ANKS1B: variants seen among roughly 807,000 people sequenced by gnomAD.
ANKS1B encodes the protein ankyrin repeat and sterile alpha motif domain containing 1B.
A neutral mutation model predicts 148.3 loss-of-function variants in ANKS1B; 36 were observed. That is an observed-to-expected ratio of 0.24 (90% confidence interval 0.19 to 0.32). The LOEUF (loss-of-function observed/expected upper bound fraction) is 0.32, where lower values mean the gene tolerates loss of function less well. Ranked by LOEUF, ANKS1B falls within the 10% of genes least tolerant of loss-of-function variation. ANKS1B has a pLI of 1.00. For synonymous variants in ANKS1B, 542 were observed against 560.8 expected (o/e 0.97, Z 0.47); for missense variants, 1,157 against 1,542.6 (o/e 0.75, Z 4.19).
At chr12:99,035,362 A>G (rs938783146) in intron 17 of ANKS1B, among the ~76,000 whole-genome samples, 1 of 152,186 alleles carries the variant, frequency 6.6e-6, no homozygotes, top group African/African-American at 2.4e-5. Flanking sequence ...ACAGAGAAGG[A>G]AGGAATGCAT....
At chr12:99,176,568 T>C (rs1405657548) in intron 14 of ANKS1B, among the ~76,000 whole-genome samples, 7 of 152,180 alleles carry the variant, frequency 4.6e-5, no homozygotes, top group Non-Finnish European at 7.3e-5. Context: ...GCTTACTGAT[T>C]GATATAGTTT....
intron 9 of ANKS1B, among the ~76,000 whole-genome samples, chr12:99,571,982 C>T (rs536757330): frequency 1.9e-4 from 29 of 152,138 alleles, no homozygotes; most frequent in Non-Finnish European, 3.8e-4. Flanking sequence ...GCATGTTGAG[C>T]CTAGTCCTAT....
intron 15 of ANKS1B, among the ~76,000 whole-genome samples, chr12:99,106,262 T>C (rs551119067): frequency 6.6e-6 from 1 of 152,322 alleles, no homozygotes; most frequent in East Asian, 1.9e-4. Context: ...TTCAGCATCA[T>C]CAGCCGACAT....
At chr12:99,357,780 T>C (rs2092141479) in intron 12 of ANKS1B, among the ~76,000 whole-genome samples, 1 of 152,172 alleles carries the variant, frequency 6.6e-6, no homozygotes, top group Non-Finnish European at 1.5e-5. Context: ...ATAAACATTT[T>C]TGAGGATCTT....
At chr12:99,076,800 T>A (rs1010504451) in intron 16 of ANKS1B, among the ~76,000 whole-genome samples, 2 of 152,196 alleles carry the variant, frequency 1.3e-5, no homozygotes, top group Admixed American at 1.3e-4. Flanking sequence ...CAGTAAACTA[T>A]GCCTACAGTC....
At chr12:99,569,092 T>C (rs1243192621) in intron 9 of ANKS1B, among the ~76,000 whole-genome samples, 4 of 152,222 alleles carry the variant, frequency 2.6e-5, no homozygotes. Flanking sequence ...GAACAATCTG[T>C]GAGAAACTAC....
At chr12:98,902,897 G>T (rs1356469504) in intron 17 of ANKS1B, among the ~76,000 whole-genome samples, 1 of 152,164 alleles carries the variant, frequency 6.6e-6, no homozygotes, top group Non-Finnish European at 1.5e-5. Flanking sequence ...CATTCCCACA[G>T]CACCTTCTAG....
intron 17 of ANKS1B, among the ~76,000 whole-genome samples, chr12:98,964,067 CAGCCTGGGCAACAAA>C (rs1488804110): frequency 6.6e-6 from 1 of 151,846 alleles, no homozygotes; most frequent in Non-Finnish European, 1.5e-5. Flanking sequence ...CATTGCACTC[CAGCCTGGGCAACAAA>C]AGCAAAACTC....
intron 12 of ANKS1B, among the ~76,000 whole-genome samples, chr12:99,346,338 T>C (rs774118474): frequency 1.3e-5 from 2 of 151,416 alleles, no homozygotes; most frequent in Non-Finnish European, 3.0e-5. Context: ...GCCACCTCCC[T>C]AAATGCATGT....
chr12:99,163,434 C>A (rs906451973), intron 14 of ANKS1B, among the ~76,000 whole-genome samples: 3 of 151,168 alleles, frequency 2.0e-5, no homozygotes, highest in African/African-American at 7.3e-5. Flanking sequence ...AATCCACTGA[C>A]CCTGTTTATA....
At chr12:99,213,050 T>A (rs1224071315) in intron 14 of ANKS1B, among the ~76,000 whole-genome samples, 2 of 152,230 alleles carry the variant, frequency 1.3e-5, no homozygotes, top group East Asian at 3.8e-4. Context: ...CCATCCCACA[T>A]TCCTTCTTTG....
intron 10 of ANKS1B, among the ~76,000 whole-genome samples, chr12:99,476,007 A>G (rs1028507511): frequency 1.3e-5 from 2 of 152,198 alleles, no homozygotes; most frequent in Non-Finnish European, 2.9e-5. Context: ...AAATTATAGG[A>G]GTTCATTAGT....
chr12:99,285,116 T>C (rs980903966), intron 12 of ANKS1B, among the ~76,000 whole-genome samples: 1 of 152,178 alleles, frequency 6.6e-6, no homozygotes, highest in Non-Finnish European at 1.5e-5. Context: ...CTCACTCATG[T>C]CCCTCATTAT....
chr12:99,283,364 G>A (rs545750621), intron 12 of ANKS1B, among the ~76,000 whole-genome samples: 2 of 152,156 alleles, frequency 1.3e-5, no homozygotes, highest in Non-Finnish European at 2.9e-5. Context: ...ATGGAAGTAA[G>A]AGCCTCATTA....
intron 12 of ANKS1B, among the ~76,000 whole-genome samples, chr12:99,285,582 A>AT (rs1332648192): frequency 2.6e-5 from 4 of 152,220 alleles, no homozygotes; most frequent in Non-Finnish European, 5.9e-5. Flanking sequence ...AACCATCCAC[A>AT]TAAGAAAACA....
chr12:99,194,774 T>C (rs1788537090), intron 14 of ANKS1B, among the ~76,000 whole-genome samples: 1 of 152,190 alleles, frequency 6.6e-6, no homozygotes, highest in African/African-American at 2.4e-5. Flanking sequence ...TTGTTATTTT[T>C]ACATGCAATA....
intron 10 of ANKS1B, among the ~76,000 whole-genome samples, chr12:99,464,689 T>C (rs2096064579): frequency 6.6e-6 from 1 of 151,982 alleles, no homozygotes; most frequent in African/African-American, 2.4e-5. Context: ...ACAAAGGGTA[T>C]CAGTGATGGA....
At chr12:99,227,532 G>C (rs2086142724) in intron 14 of ANKS1B, among the ~76,000 whole-genome samples, 1 of 152,228 alleles carries the variant, frequency 6.6e-6, no homozygotes, top group South Asian at 2.1e-4. Flanking sequence ...TCAGGAGCCT[G>C]TGGGGAGGAG....
intron 4 of ANKS1B, among the ~76,000 whole-genome samples, chr12:99,790,932 A>T (rs181021486): frequency 4.6e-5 from 7 of 152,076 alleles, no homozygotes; most frequent in African/African-American, 1.7e-4. Flanking sequence ...CTTATCAACA[A>T]TAACATTAAA....
Sources: gnomAD v4.1 joint callset for allele counts (sites outside exome capture counted in the v4.1 genomes callset) on GRCh38, gnomAD v4.1.1 for gene constraint, MANE v1.5 for transcripts, NCBI Gene and HGNC (gene_info 2026-07-23, HGNC 2026-07-21) for gene names.